The following MDGA2 variants were observed in gnomAD, a reference collection of about 807,000 sequenced individuals.
MDGA2 encodes MAM domain-containing glycosylphosphatidylinositol anchor protein 2.
In MDGA2, 40 loss-of-function variants were observed where a neutral mutation model predicts 117.8. That is an observed-to-expected ratio of 0.34 (90% confidence interval 0.26 to 0.44). The LOEUF is 0.44. Among genes scored for constraint, MDGA2 ranks in the 20% least tolerant of loss-of-function variants. The pLI, the probability that MDGA2 is intolerant of heterozygous loss-of-function variation, is 1.00. For synonymous variants in MDGA2, 452 were observed against 439.0 expected, an observed-to-expected ratio of 1.03 and a Z score of -0.37; for missense variants, 1,123 against 1,250.6, an observed-to-expected ratio of 0.90 and a Z score of 1.54.
At chr14:47,634,432 A>G (rs1037575124) in intron 1 of MDGA2, among the ~76,000 whole-genome samples, 12 of 152,138 alleles carry the variant, frequency 7.9e-5, no homozygotes, top group Non-Finnish European at 4.4e-5. Context: ...AGCTCACTTA[A>G]TAAATTCTGT....
At chr14:47,424,260 A>C (rs1431209683) in intron 1 of MDGA2, among the ~76,000 whole-genome samples, 3 of 152,092 alleles carry the variant, frequency 2.0e-5, no homozygotes, top group Non-Finnish European at 4.4e-5. Context: ...CGTCTCTACA[A>C]AAAAATTTTA....
chr14:47,634,650 T>G (rs1034757613), intron 1 of MDGA2, among the ~76,000 whole-genome samples: 2 of 152,108 alleles, frequency 1.3e-5, no homozygotes, highest in African/African-American at 4.8e-5. Flanking sequence ...AACTTTCTAT[T>G]TCATATGCCT....
chr14:47,456,505 G>A (rs1242748866), intron 1 of MDGA2, among the ~76,000 whole-genome samples: 11 of 150,624 alleles, frequency 7.3e-5, no homozygotes, highest in Non-Finnish European at 3.0e-5. Flanking sequence ...GTTTCTCCAT[G>A]CTGGTCAGGC....
At chr14:46,966,145 G>A (rs1279802545) in intron 8 of MDGA2, among the ~76,000 whole-genome samples, 1 of 152,076 alleles carries the variant, frequency 6.6e-6, no homozygotes, top group Admixed American at 6.6e-5. Flanking sequence ...TAGATACTGT[G>A]TTAAGATATT....
At chr14:47,091,743 C>CTG (rs79302187) in intron 6 of MDGA2, among the ~76,000 whole-genome samples, 25,316 of 151,872 alleles carry the variant, frequency 0.17, 2,407 homozygotes, top group East Asian at 0.3. Flanking sequence ...AGTCAATAGA[C>CTG]TGACTGGAAC....
intron 8 of MDGA2, among the ~76,000 whole-genome samples, chr14:46,972,902 C>T (rs1566553637): frequency 6.6e-6 from 1 of 151,918 alleles, no homozygotes; most frequent in Non-Finnish European, 1.5e-5. Context: ...TGAAAACATA[C>T]AAAAACTCTA....
rs1221835615 is a variant in MDGA2, at chr14:46,911,361, G to GT, written c.2238+8650dup. Among the ~76,000 whole-genome samples the GT allele has an allele frequency of 6.6e-5, 10 of 152,282 alleles. 1 individual carries two copies. The highest frequency in any genetic ancestry group is 2.2e-4 in the African/African-American group (9 of 41,558). ...GGAAAACATAGTCCATTACTGAGTA[G>GT]TTGTACAGCAGTAGTTACGTAGTTT... is the stretch of plus-strand genomic sequence containing the variant. On this transcript the variant is annotated intron_variant, in intron 10 of 16. Coordinates refer to ENST00000399232, the MANE Select transcript of MDGA2 (RefSeq NM_001113498.3).
intron 1 of MDGA2, among the ~76,000 whole-genome samples, chr14:47,607,216 C>A (rs1241374934): frequency 6.6e-6 from 1 of 152,080 alleles, no homozygotes; most frequent in Non-Finnish European, 1.5e-5. Flanking sequence ...GTGCTGCTTC[C>A]AAATCTCTGT....
intron 1 of MDGA2, among the ~76,000 whole-genome samples, chr14:47,613,479 T>TCTCACACACACACACACACA (rs1023859588): frequency 2.1e-5 from 3 of 141,168 alleles, no homozygotes; most frequent in African/African-American, 8.1e-5. Context: ...TCTCTCTCTC[T>TCTCACACACACACACACACA]CACACACACA....
Position 47,455,912 on chromosome 14 carries a change from G to A in MDGA2, c.281-154362C>T, listed in dbSNP as rs137980596. ...CTCGGGAGGCTGAGACAGGAGAATCGCTTGAACCTGGGAAGTGGAGGCTGC... is the reference window on the plus strand; with the variant it reads ...CTCGGGAGGCTGAGACAGGAGAATCACTTGAACCTGGGAAGTGGAGGCTGC... On this transcript the variant is annotated intron_variant, in intron 1 of 16. Transcript: ENST00000399232. 5.4e-4 allele frequency among the ~76,000 whole-genome samples: 82 copies of A among 152,036 alleles called. 1 individual carries two copies. The highest frequency in any genetic ancestry group is 1.8e-3 in the African/African-American group (76 of 41,480).
intron 1 of MDGA2, among the ~76,000 whole-genome samples, chr14:47,488,687 C>T (rs1404822346): frequency 6.6e-6 from 1 of 151,686 alleles, no homozygotes; most frequent in African/African-American, 2.4e-5. Flanking sequence ...TAAGTAAATC[C>T]AAAAGTTAGT....
At chr14:47,148,784 C>T (rs1883047430) in intron 3 of MDGA2, among the ~76,000 whole-genome samples, 1 of 152,136 alleles carries the variant, frequency 6.6e-6, no homozygotes, top group African/African-American at 2.4e-5. Flanking sequence ...CTGAAAATTG[C>T]CTCAGGTACA....
chr14:47,473,604 A>T (rs1039061059), intron 1 of MDGA2, among the ~76,000 whole-genome samples: 1 of 152,144 alleles, frequency 6.6e-6, no homozygotes, highest in Non-Finnish European at 1.5e-5. Context: ...CTGCAAAATA[A>T]AGAGTGAAAA....
chr14:47,427,131 C>T (rs17118623), intron 1 of MDGA2, among the ~76,000 whole-genome samples: 4,468 of 152,136 alleles, frequency 0.029, 244 homozygotes, highest in African/African-American at 0.1. Context: ...CCGTAAACTG[C>T]CATCATGCCA....
intron 10 of MDGA2, among the ~76,000 whole-genome samples, chr14:46,899,361 C>A (rs369837646): frequency 2.6e-5 from 4 of 151,908 alleles, no homozygotes; most frequent in African/African-American, 9.7e-5. Context: ...GGAGTCAAAT[C>A]CAGTCTGCAA....
chr14:46,977,317 G>GT, intron 8 of MDGA2, among the ~76,000 whole-genome samples: 1 of 151,552 alleles, frequency 6.6e-6, no homozygotes, highest in South Asian at 2.1e-4. Flanking sequence ...AATGGGAGGG[G>GT]TTGAAATAAG....
At chr14:47,144,039 T>C (rs1357369734) in intron 4 of MDGA2, 39 bp downstream of exon 4, 19 of 1,421,302 alleles carry the variant, frequency 1.3e-5, no homozygotes, top group East Asian at 2.5e-5. Flanking sequence ...GAAAGTATCC[T>C]AGCAGAGTAG....
At chr14:47,294,199 A>C (rs544652498) in intron 2 of MDGA2, among the ~76,000 whole-genome samples, 1 of 150,232 alleles carries the variant, frequency 6.7e-6, no homozygotes, top group East Asian at 2.0e-4. Context: ...AGGCTCAAGC[A>C]ATCCTCCCAC....
intron 10 of MDGA2, among the ~76,000 whole-genome samples, chr14:46,882,951 A>T (rs1882523217): frequency 6.6e-6 from 1 of 151,898 alleles, no homozygotes; most frequent in African/African-American, 2.4e-5. Context: ...TGAAAGTGTG[A>T]TTGTAATATG....
Sources: gnomAD v4.1 joint callset for allele counts (sites outside exome capture counted in the v4.1 genomes callset) on GRCh38, gnomAD v4.1.1 for gene constraint, MANE v1.5 for transcripts, NCBI Gene and HGNC (gene_info 2026-07-23, HGNC 2026-07-21) for gene names.